The following CCNB3 variants were observed in gnomAD, a reference collection of about 807,000 sequenced individuals.
The protein encoded by CCNB3 is G2/mitotic-specific cyclin-B3.
Under a neutral mutation model 68.0 loss-of-function variants are expected in CCNB3, and 12 were observed. The observed-to-expected ratio is 0.18, with a 90% CI of 0.11 to 0.29. CCNB3 has a LOEUF of 0.29. Among genes scored for constraint, CCNB3 ranks in the 10% least tolerant of loss-of-function variants. The probability of loss-of-function intolerance (pLI) is 1.00; values close to 1 mark genes in which losing one functional copy is unlikely to be tolerated. For synonymous variants in CCNB3, 354 were observed against 388.9 expected (o/e 0.91, Z 1.06); for missense variants, 904 against 993.1 (o/e 0.91, Z 1.21).
chrX:50,284,712 C>T (rs189772191), intron 2 of CCNB3, 96 bp downstream of exon 2: 2 of 139,091 alleles, frequency 1.4e-5, no homozygotes, highest in East Asian at 3.3e-4. Context: ...TGCCTCCATA[C>T]TATATGAGCT....
chrX:50,226,873 AATATATATAGAATATATAGT>A (rs1935845682), intron 1 of CCNB3, among the ~76,000 whole-genome samples: 699 of 65,397 alleles, frequency 0.011, 7 homozygotes, highest in Middle Eastern at 0.018. Context: ...GAATATATAG[AATATATATAGAATATATAGT>A]ATATATATAG....
chrX:50,328,755 T>A (rs781831911), intron 8 of CCNB3, among the ~76,000 whole-genome samples: 1 of 112,033 alleles, frequency 8.9e-6, no homozygotes, highest in African/African-American at 3.2e-5. Context: ...CAAGGCAAGT[T>A]CCTTTTACCT....
chrX:50,341,347 AT>A (rs1355545024), intron 8 of CCNB3, among the ~76,000 whole-genome samples: 3 of 106,209 alleles, frequency 2.8e-5, no homozygotes, highest in African/African-American at 1.0e-4. Flanking sequence ...AAATAAATAA[AT>A]AAATAAATAA....
At chrX:50,294,744 C>A in intron 4 of CCNB3, 119 bp from the exon 5 acceptor site, 1 of 870,498 alleles carries the variant, frequency 1.1e-6, no homozygotes, top group Non-Finnish European at 1.6e-6. Flanking sequence ...TGGGAACACC[C>A]AACCAACTTA....
chrX:50,213,413 A>G (rs1167214348), intron 1 of CCNB3, among the ~76,000 whole-genome samples: 2 of 111,580 alleles, frequency 1.8e-5, no homozygotes, highest in Non-Finnish European at 3.8e-5. Flanking sequence ...TTGTTTGCTA[A>G]TATCTTGTTA....
chrX:50,280,256 C>A (rs1201496462), intron 1 of CCNB3, among the ~76,000 whole-genome samples: 11 of 55,436 alleles, frequency 2.0e-4, no homozygotes, highest in South Asian at 7.5e-4. Flanking sequence ...ATATAAATAT[C>A]TATATAGAAT....
intron 8 of CCNB3, among the ~76,000 whole-genome samples, chrX:50,320,543 A>G (rs1274858708): frequency 6.4e-5 from 7 of 108,994 alleles, no homozygotes; most frequent in African/African-American, 9.9e-5. Context: ...GGTTTCATCC[A>G]TTTTTCTTTA....
At chrX:50,286,375 A>C (rs985938645) in intron 3 of CCNB3, among the ~76,000 whole-genome samples, 13 of 111,312 alleles carry the variant, frequency 1.2e-4, no homozygotes, top group Non-Finnish European at 2.3e-4. Flanking sequence ...ATCTCGGCTC[A>C]CTGCAACCTC....
At chrX:50,222,405 G>A (rs1486840425) in intron 1 of CCNB3, among the ~76,000 whole-genome samples, 1 of 111,402 alleles carries the variant, frequency 9.0e-6, no homozygotes, top group East Asian at 2.8e-4. Flanking sequence ...GGCTGGTACT[G>A]GTTTTTTCTT....
chrX:50,221,869 G>C (rs955567468), intron 1 of CCNB3, among the ~76,000 whole-genome samples: 1 of 110,949 alleles, frequency 9.0e-6, no homozygotes, highest in East Asian at 2.8e-4. Context: ...TGACAGTGGG[G>C]TGTTAAAGTC....
chrX:50,279,996 A>G (rs1936086856), intron 1 of CCNB3, among the ~76,000 whole-genome samples: 2 of 86,190 alleles, frequency 2.3e-5, no homozygotes, highest in Admixed American at 3.2e-4. Context: ...ATATGAATAT[A>G]TACATAGAAT....
At chrX:50,323,071 A>G (rs1285171956) in intron 8 of CCNB3, among the ~76,000 whole-genome samples, 1 of 112,117 alleles carries the variant, frequency 8.9e-6, no homozygotes, top group African/African-American at 3.2e-5. Flanking sequence ...ATTACTGGGT[A>G]TACACCCAAA....
chrX:50,337,523 C>A (rs1442634576), intron 8 of CCNB3, among the ~76,000 whole-genome samples: 1 of 111,164 alleles, frequency 9.0e-6, no homozygotes, highest in African/African-American at 3.3e-5. Context: ...CTGTGCCATA[C>A]CTTCGAGACA....
chrX:50,308,527 G>A lies in CCNB3; in HGVS notation c.358G>A (p.Val120Ile). The A allele has an allele frequency of 1.7e-6, 2 of 1,202,686 alleles. No homozygotes were observed. The highest frequency in any genetic ancestry group is 1.8e-5 in the South Asian group (1 of 56,062). ...CAGGCATAAGCTGGAAGTCACACCAGTAGTAGCCTCTACTACCGTGGTACC... is the reference window on the plus strand; with the variant it reads ...CAGGCATAAGCTGGAAGTCACACCAATAGTAGCCTCTACTACCGTGGTACC... ...LKWHKLEVTP[V>I]VASTTVVPNI... Residue 120 changes from valine to isoleucine, a missense_variant, in exon 6 of 13, where the codon GTA (valine) becomes ATA (isoleucine). By Grantham distance (29) the Val-to-Ile change is conservative. This residue lies in a region of CCNB3 where 619 missense variants were observed against 609.8 expected (regional missense o/e 1.02). Coordinates refer to ENST00000376042, the MANE Select transcript of CCNB3 (RefSeq NM_033031.3).
At chrX:50,285,841 T>G (rs1486751360) in intron 3 of CCNB3, among the ~76,000 whole-genome samples, 1 of 112,002 alleles carries the variant, frequency 8.9e-6, no homozygotes, top group Non-Finnish European at 1.9e-5. Context: ...CCTTGATTGG[T>G]TTTCTCTGAG....
chrX:50,331,038 T>A (rs1271870847), intron 8 of CCNB3, among the ~76,000 whole-genome samples: 2 of 111,728 alleles, frequency 1.8e-5, no homozygotes, highest in African/African-American at 6.5e-5. Flanking sequence ...TCCCCACAAG[T>A]CATCTTGTGC....
intron 1 of CCNB3, among the ~76,000 whole-genome samples, chrX:50,212,096 C>G (rs1408342611): frequency 8.9e-6 from 1 of 111,889 alleles, no homozygotes; most frequent in Non-Finnish European, 1.9e-5. Context: ...TTACATTCAC[C>G]TAGTGAATTT....
intron 1 of CCNB3, among the ~76,000 whole-genome samples, chrX:50,279,797 C>G (rs1209084520): frequency 1.2e-5 from 1 of 83,324 alleles, no homozygotes; most frequent in Non-Finnish European, 2.2e-5. Context: ...TAAATATATA[C>G]TATATATAGA....
intron 9 of CCNB3, among the ~76,000 whole-genome samples, chrX:50,345,094 C>T (rs975824590): frequency 3.2e-5 from 3 of 94,610 alleles, no homozygotes; most frequent in Middle Eastern, 5.3e-3. Flanking sequence ...CCTTAACTTG[C>T]TCCCTTCCTC....
Sources: allele counts gnomAD v4.1 joint callset (sites outside exome capture counted in the v4.1 genomes callset), GRCh38; gene constraint gnomAD v4.1.1; regional missense constraint gnomAD v4.1.1; transcripts MANE v1.5; gene names NCBI Gene and HGNC (gene_info 2026-07-23, HGNC 2026-07-21).